ZNF764: variants seen among roughly 807,000 people sequenced by gnomAD.
ZNF764 encodes the protein zinc finger protein 764.
ZNF764 carries 10 observed loss-of-function variants against 13.9 expected under a neutral mutation model. The ratio of observed to expected loss-of-function variants is 0.72; its 90% confidence interval spans 0.44 to 1.22. ZNF764 has a LOEUF of 1.22. ZNF764 is among the 50% of genes most tolerant of loss of function. The probability of loss-of-function intolerance (pLI) is 0.00; values close to 1 mark genes in which losing one functional copy is unlikely to be tolerated. For synonymous variants in ZNF764, 313 were observed against 255.1 expected (o/e 1.23, Z -2.16); for missense variants, 647 against 589.7 (o/e 1.10, Z -1.01).
chr16:30,556,504 C>T lies in ZNF764; in HGVS notation c.311-397G>A, dbSNP rs142874683. ...AATGAAAGAAAAAAAGGGGGGCGGA[C>T]GGGGAGAAAGGAACCAGCCTGCAGG... On this transcript the variant is annotated intron_variant, in intron 2 of 2. Coordinates refer to ENST00000395091, the MANE Select transcript of ZNF764 (RefSeq NM_001172679.2). Among the ~76,000 whole-genome samples the T allele has an allele frequency of 1.9e-3, 295 of 151,606 alleles. 2 individuals are homozygous for T. The highest frequency in any genetic ancestry group is 3.3e-3 in the Non-Finnish European group (226 of 67,870).
Position 30,556,281 on chromosome 16 carries a change from C to T in ZNF764, c.311-174G>A, listed in dbSNP as rs557561594. ...GACAGAGCCGGGAGGGAGAGAACAG[C>T]CCATTCCGCCTCGGGGCTGGGGAAA... On this transcript the variant is annotated intron_variant, in intron 2 of 2. Transcript: ENST00000395091. 1.8e-3 allele frequency among the ~76,000 whole-genome samples: 279 copies of T among 152,066 alleles called. 2 individuals are homozygous for T. The highest frequency in any genetic ancestry group is 4.4e-3 in the South Asian group (21 of 4,804).
In ZNF764 at chr16:30,557,823, G is replaced by A. The variant is rs1567510250; in HGVS notation, c.220C>T (p.Leu74Phe). 1.2e-5 allele frequency: 20 copies of A among 1,610,248 alleles called. No homozygotes were observed. The highest frequency in any genetic ancestry group is 1.6e-5 in the Non-Finnish European group (19 of 1,178,124). Residue 74 changes from leucine (L) to phenylalanine (F), a missense_variant, in exon 2 of 3, where the codon CTC becomes TTC. Coordinates refer to ENST00000395091, the MANE Select transcript of ZNF764 (RefSeq NM_001172679.2). ...ALGIGGNKPA[L>F]ISWVEEEAEL... is the part of the protein sequence containing the mutation. Reference sequence around the variant, plus strand: ...GCCTCCTCCTCCACCCAGGAGATGAGAGCTGGCTTGTTGCCTCCGATTCCT... The same window carrying A: ...GCCTCCTCCTCCACCCAGGAGATGAAAGCTGGCTTGTTGCCTCCGATTCCT...
Position 30,555,953 on chromosome 16 carries a change from G to GTGCGGT in ZNF764, c.459_464dup (p.Pro154_His155insGlnPro). On this transcript the variant is annotated inframe_insertion, in exon 3 of 3. Coordinates refer to ENST00000395091, the MANE Select transcript of ZNF764 (RefSeq NM_001172679.2). The stretch of plus-strand genomic sequence containing the variant: ...GGGCACAGAGGGAGGGGCGTCCCCG[G>GTGCGGT]TGCGGTGCCTTGGACAGCTGCTCCC... The GTGCGGT allele has an allele frequency of 7.4e-6, 12 of 1,611,912 alleles. No individual in the cohort carries two copies. Among genetic ancestry groups the GTGCGGT allele is most frequent in the Non-Finnish European group, 1.0e-5 (12 of 1,179,798 alleles).
At chr16:30,557,947 G>C (rs780282506) in intron 1 of ZNF764, 40 bp downstream of exon 1, 1 of 1,577,154 alleles carries the variant, frequency 6.3e-7, no homozygotes, top group Non-Finnish European at 8.6e-7. Flanking sequence ...GGCAGGGCCT[G>C]TGGGGGCGCA....
intron 2 of ZNF764, 63 bp downstream of exon 2, chr16:30,557,670 G>C (rs1332347243): frequency 2.5e-6 from 4 of 1,589,928 alleles, no homozygotes; most frequent in Non-Finnish European, 3.4e-6. Flanking sequence ...GGAGGTGGCA[G>C]AGGGTACCGG....
Position 30,557,861 on chromosome 16 carries a change from C to T in ZNF764, c.197-15G>A, listed in dbSNP as rs377039672. 1.3e-5 allele frequency: 21 copies of T among 1,593,996 alleles called. No individual in the cohort carries two copies. In the South Asian group the frequency reaches 1.8e-4, roughly 14 times the overall value. ...GCCTCCGATTCCTAGGGAAGAAGAA[C>T]GCAAACCCCACGCTGCGGGGAGGCC... On this transcript the variant is annotated splice_polypyrimidine_tract_variant and intron_variant, in intron 1 of 2. Coordinates refer to ENST00000395091, the MANE Select transcript of ZNF764 (RefSeq NM_001172679.2).
In ZNF764 at chr16:30,554,868, A is replaced by G. The variant is rs1223791730; in HGVS notation, c.*326T>C. 6.1e-6 allele frequency: 2 copies of G among 326,590 alleles called. No homozygotes were observed. The highest frequency in any genetic ancestry group is 4.9e-5 in the East Asian group (1 of 20,414). The allele number at this position is 326,590 out of a possible 1,614,324, so 20.2% of individuals were successfully genotyped here. A position where few individuals can be genotyped will look rare whatever the true frequency, so the allele number is the denominator to read the frequency against. ...ATAAAAATAATGATAAAAAATTTAA[A>G]AAGACAATGGGTAAAACAAGGTTCT... is the stretch of plus-strand genomic sequence containing the variant. On this transcript the variant is annotated 3_prime_UTR_variant, in exon 3 of 3. Transcript: ENST00000395091.
rs1440986075 is a variant in ZNF764, at chr16:30,557,117, G to T, written c.310+616C>A. On this transcript the variant is annotated intron_variant, in intron 2 of 2. Coordinates refer to ENST00000395091, the MANE Select transcript of ZNF764 (RefSeq NM_001172679.2). ...ATGGCGCCACTGCACTCCAGCCTGCGCGACAGAGGAAGACTCTGTCTCAAA... is the reference window on the plus strand; with the variant it reads ...ATGGCGCCACTGCACTCCAGCCTGCTCGACAGAGGAAGACTCTGTCTCAAA... Among the ~76,000 whole-genome samples, 3 of 146,614 alleles carry T rather than the reference G, an allele frequency of 2.0e-5. No individual in the cohort carries two copies. In the East Asian group the frequency reaches 6.0e-4, roughly 29 times the overall value.
chr16:30,557,949 G>A (rs1457650519), intron 1 of ZNF764, 38 bp downstream of exon 1: 6 of 1,577,502 alleles, frequency 3.8e-6, no homozygotes, highest in Non-Finnish European at 4.3e-6. Flanking sequence ...CAGGGCCTGT[G>A]GGGGCGCAGG....
At chr16:30,556,218 G>A in intron 2 of ZNF764, 111 bp from the exon 3 acceptor site, 1 of 1,272,494 alleles carries the variant, frequency 7.9e-7, no homozygotes, top group Admixed American at 1.9e-5. Flanking sequence ...GCTCCTGGGA[G>A]ATGGAGGAGT....
chr16:30,555,999 G>T lies in ZNF764; in HGVS notation c.419C>A (p.Ser140Ter). ...SPGLKSPQAP[S>*]AGPPYGWEQL... ...CTCCCAACCATAAGGGGGCCCGGCC[G>T]AGGGGGCTTGGGGAGACTTCAGCCC... is the stretch of plus-strand genomic sequence containing the variant. Residue 140 changes from serine (S) to a stop codon, truncating the protein, a stop_gained, in exon 3 of 3, where the codon TCG becomes TAG. Coordinates refer to ENST00000395091, the MANE Select transcript of ZNF764 (RefSeq NM_001172679.2). LOFTEE classifies it low-confidence loss of function (END_TRUNC). 6.2e-7 allele frequency: 1 copy of T among 1,612,558 alleles called. No individual in the cohort carries two copies. The highest frequency in any genetic ancestry group is 1.7e-4 in the Middle Eastern group (1 of 5,876).
At chr16:30,557,444 C>A (rs1314620900) in intron 2 of ZNF764, among the ~76,000 whole-genome samples, 1 of 152,162 alleles carries the variant, frequency 6.6e-6, no homozygotes, top group Non-Finnish European at 1.5e-5. Context: ...TCAGCCTAGA[C>A]AACAAAGCGA....
At position 30,553,884 on chromosome 16, in the gene ZNF764, A is replaced by G. The variant is rs2051526762; in HGVS notation, c.*1310T>C. The G allele has an allele frequency of 6.6e-6, 1 of 152,290 alleles. No individual in the cohort carries two copies. Among genetic ancestry groups the G allele is most frequent in the Non-Finnish European group, 1.5e-5 (1 of 68,056 alleles). The allele number at this position is 152,290 out of a possible 1,614,324, so 9.4% of individuals were successfully genotyped here. A position where few individuals can be genotyped will look rare whatever the true frequency, so the allele number is the denominator to read the frequency against. On this transcript the variant is annotated 3_prime_UTR_variant, in exon 3 of 3. Transcript: ENST00000395091. ...ACCATAGGAACTCAGCAAGTCATAT[A>G]AATGAGCGGGAAATGCCAGATGGAA... is the stretch of plus-strand genomic sequence containing the variant.
intron 2 of ZNF764, 116 bp downstream of exon 2, chr16:30,557,617 G>A (rs951179208): frequency 7.0e-7 from 1 of 1,437,570 alleles, no homozygotes; most frequent in South Asian, 1.3e-5. Context: ...CGTCGTCGCA[G>A]TTGAGAAGGC....
rs1028067937 is a variant in ZNF764 at position 30,558,248 on chromosome 16, C to T, written c.-66G>A. 4.1e-6 allele frequency: 6 copies of T among 1,451,610 alleles called. No homozygotes were observed. In the African/African-American group the frequency reaches 8.5e-5, roughly 21 times the overall value. 89.9% of individuals were successfully genotyped at this position (1,451,610 alleles called of 1,614,324 possible). ...GGCCTGGCCTGGGCCTGCGGAACCTCCTGCGCCCGAGAAAGCCTCCCCGGC... is the reference window on the plus strand; with the variant it reads ...GGCCTGGCCTGGGCCTGCGGAACCTTCTGCGCCCGAGAAAGCCTCCCCGGC... On this transcript the variant is annotated 5_prime_UTR_variant, in exon 1 of 3. Coordinates refer to ENST00000395091, the MANE Select transcript of ZNF764 (RefSeq NM_001172679.2).
Position 30,558,136 on chromosome 16 carries a change from G to A in ZNF764, c.47C>T (p.Ala16Val), listed in dbSNP as rs1270569572. Reference protein sequence around the residue: ...APLPPRDPNGAGPEWREPGAV... With the variant: ...APLPPRDPNGVGPEWREPGAV... Reference sequence around the variant, plus strand: ...CCCCGGCTCCCTCCACTCGGGTCCGGCCCCGTTTGGGTCCCGGGGAGGGAG... The same window carrying A: ...CCCCGGCTCCCTCCACTCGGGTCCGACCCCGTTTGGGTCCCGGGGAGGGAG... Residue 16 changes from alanine (A) to valine (V), a missense_variant, in exon 1 of 3, where the codon GCC becomes GTC. By Grantham distance (64) the Ala-to-Val change is moderately conservative (BLOSUM62 0). Coordinates refer to ENST00000395091, the MANE Select transcript of ZNF764 (RefSeq NM_001172679.2). 3.1e-6 allele frequency: 5 copies of A among 1,605,432 alleles called. No individual in the cohort carries two copies. The highest frequency in any genetic ancestry group is 3.4e-6 in the Non-Finnish European group (4 of 1,178,310).
intron 2 of ZNF764, among the ~76,000 whole-genome samples, 190 bp from the exon 3 acceptor site, chr16:30,556,297 G>A (rs986864996): frequency 1.3e-5 from 2 of 152,066 alleles, no homozygotes; most frequent in Non-Finnish European, 2.9e-5. Context: ...CCGCCTCGGG[G>A]CTGGGGAAAT....
Position 30,555,146 on chromosome 16 carries a change from G to T in ZNF764, c.*48C>A. On this transcript the variant is annotated 3_prime_UTR_variant, in exon 3 of 3. Transcript: ENST00000395091. ...CCGCCGCAGAGGTTCGGGCCCCTGA[G>T]CCCATCTCGGGCCTCCCGTAATGTC... 1 of 1,545,656 alleles carries T rather than the reference G, an allele frequency of 6.5e-7. No individual in the cohort carries two copies. The highest frequency in any genetic ancestry group is 8.7e-7 in the Non-Finnish European group (1 of 1,147,478).
In ZNF764 at chr16:30,555,317, C is replaced by A; in HGVS notation, c.1101G>T (p.Gly367=). The A allele has an allele frequency of 6.2e-7, 1 of 1,610,148 alleles. No individual in the cohort carries two copies. The highest frequency in any genetic ancestry group is 8.5e-7 in the Non-Finnish European group (1 of 1,178,394). ...CGACCCGGCCCCTGTGGCCCCCGGC[C>A]CCGGGCCGATGAACCCACTGGTGTT... ...VAKHQWVHRP[G]AGGHRGRVAG... Residue 367 remains glycine (G), a synonymous_variant, in exon 3 of 3, where the codon GGG becomes GGT. Transcript: ENST00000395091.
Sources: gnomAD v4.1 joint callset for allele counts (sites outside exome capture counted in the v4.1 genomes callset) on GRCh38, gnomAD v4.1.1 for gene constraint, MANE v1.5 for transcripts, NCBI Gene and HGNC (gene_info 2026-07-23, HGNC 2026-07-21) for gene names.